SNX9: variants seen among roughly 807,000 people sequenced by gnomAD.
The protein encoded by SNX9 is sorting nexin 9.
SNX9 carries 44 observed loss-of-function variants against 89.4 expected under a neutral mutation model. The observed-to-expected ratio is 0.49, with a 90% CI of 0.39 to 0.63. SNX9 has a LOEUF of 0.63. Among genes scored for constraint, SNX9 ranks in the 30% least tolerant of loss-of-function variants. The pLI is 0.00. For missense variants in SNX9, 578 were observed against 736.1 expected (o/e 0.79, Z 2.49); for synonymous variants, 236 against 247.8 (o/e 0.95, Z 0.45).
chr6:157,869,438 C>CTACTTCTCTG (rs1782342807), intron 2 of SNX9, among the ~76,000 whole-genome samples: 1 of 152,200 alleles, frequency 6.6e-6, no homozygotes, highest in South Asian at 2.1e-4. Context: ...CAGCCTACTC[C>CTACTTCTCTG]TACTTCTCTG....
chr6:157,828,570 G>T (rs1416730760), intron 1 of SNX9, among the ~76,000 whole-genome samples: 6 of 151,848 alleles, frequency 4.0e-5, no homozygotes, highest in Non-Finnish European at 8.8e-5. Context: ...CACAGCTCAC[G>T]GCAGTCTCGA....
At chr6:157,932,975 A>G (rs1783845819) in intron 13 of SNX9, among the ~76,000 whole-genome samples, 1 of 151,644 alleles carries the variant, frequency 6.6e-6, no homozygotes, top group African/African-American at 2.4e-5. Context: ...TCCTTAACTC[A>G]TAACTGTTTC....
chr6:157,904,302 G>A (rs1368024541), intron 6 of SNX9, among the ~76,000 whole-genome samples: 1 of 152,102 alleles, frequency 6.6e-6, no homozygotes, highest in Non-Finnish European at 1.5e-5. Context: ...TGGGCGTGGT[G>A]GCACGCCTGT....
At chr6:157,903,975 T>G (rs1328881500) in intron 6 of SNX9, among the ~76,000 whole-genome samples, 1 of 152,250 alleles carries the variant, frequency 6.6e-6, no homozygotes, top group Non-Finnish European at 1.5e-5. Context: ...TTAACTAAAC[T>G]GTATAAATGA....
At chr6:157,856,865 A>G (rs1782023994) in intron 1 of SNX9, among the ~76,000 whole-genome samples, 1 of 152,126 alleles carries the variant, frequency 6.6e-6, no homozygotes, top group Non-Finnish European at 1.5e-5. Flanking sequence ...ATCAGAAGGC[A>G]AGTAATGTCT....
intron 1 of SNX9, among the ~76,000 whole-genome samples, chr6:157,857,146 A>C (rs139403857): frequency 7.4e-4 from 112 of 152,330 alleles, no homozygotes; most frequent in African/African-American, 2.5e-3. Context: ...GAGTTTAAGC[A>C]AATTTAATGT....
At chr6:157,909,637 ATTAC>A (rs1554296361) in intron 7 of SNX9, 24 bp from the exon 8 acceptor site, 1 of 1,605,206 alleles carries the variant, frequency 6.2e-7, no homozygotes, top group Non-Finnish European at 8.5e-7. Context: ...ATGTAACAAA[ATTAC>A]TTCTTTCTGG....
intron 2 of SNX9, among the ~76,000 whole-genome samples, chr6:157,871,381 A>T (rs184922615): frequency 1.0e-3 from 154 of 152,082 alleles, no homozygotes; most frequent in African/African-American, 3.3e-3. Flanking sequence ...ACAGTGTCTC[A>T]AAAAAAAGAA....
intron 7 of SNX9, 152 bp downstream of exon 7, chr6:157,906,364 G>T (rs1005782520): frequency 3.4e-6 from 2 of 590,136 alleles, no homozygotes; most frequent in Middle Eastern, 4.5e-4. Flanking sequence ...TGTTGTAGGA[G>T]TACTGAAGAT....
chr6:157,889,430 C>CAAAAAAAAAAAAAAAAAAA (rs56303673), intron 4 of SNX9, among the ~76,000 whole-genome samples: 1 of 58,504 alleles, frequency 1.7e-5, no homozygotes, highest in African/African-American at 5.1e-5. Context: ...GACCCTGTCT[C>CAAAAAAAAAAAAAAAAAAA]AAAAAAAAAA....
chr6:157,841,619 G>A (rs1462293243), intron 1 of SNX9, among the ~76,000 whole-genome samples: 1 of 152,156 alleles, frequency 6.6e-6, no homozygotes, highest in East Asian at 1.9e-4. Flanking sequence ...CCATGGGGAG[G>A]TGGTTGCCAG....
At chr6:157,825,795 G>A (rs568728693) in intron 1 of SNX9, among the ~76,000 whole-genome samples, 1 of 152,236 alleles carries the variant, frequency 6.6e-6, no homozygotes, top group South Asian at 2.1e-4. Context: ...AGAGAGTCAA[G>A]TTGGTGCTTT....
chr6:157,828,579 G>A (rs971729821), intron 1 of SNX9, among the ~76,000 whole-genome samples: 5 of 151,952 alleles, frequency 3.3e-5, no homozygotes, highest in Non-Finnish European at 7.4e-5. Flanking sequence ...CGGCAGTCTC[G>A]ACTTCCCTGG....
At chr6:157,880,887 T>A (rs1213482877) in intron 4 of SNX9, among the ~76,000 whole-genome samples, 5 of 152,222 alleles carry the variant, frequency 3.3e-5, no homozygotes. Flanking sequence ...CTGTAAAACC[T>A]CATGGGATTT....
chr6:157,915,115 G>T (rs893967935), intron 9 of SNX9, among the ~76,000 whole-genome samples: 3 of 151,928 alleles, frequency 2.0e-5, no homozygotes, highest in African/African-American at 7.3e-5. Context: ...TGTATTTGTT[G>T]GTTTATTTCT....
At chr6:157,859,353 A>C (rs573346630) in intron 1 of SNX9, among the ~76,000 whole-genome samples, 39 of 152,336 alleles carry the variant, frequency 2.6e-4, no homozygotes, top group Admixed American at 3.9e-4. Context: ...GTAGCATGCT[A>C]TATGCCCTGT....
intron 9 of SNX9, among the ~76,000 whole-genome samples, chr6:157,911,776 A>T (rs1475858830): frequency 6.6e-6 from 1 of 152,164 alleles, no homozygotes; most frequent in Non-Finnish European, 1.5e-5. Context: ...ACTTTGTTTT[A>T]TGTTTATTTT....
At chr6:157,898,985 C>T (rs187406695) in intron 5 of SNX9, among the ~76,000 whole-genome samples, 5 of 152,128 alleles carry the variant, frequency 3.3e-5, no homozygotes, top group Admixed American at 2.6e-4. Flanking sequence ...TGGCATTTGT[C>T]TCTCGGCTTC....
intron 4 of SNX9, 91 bp downstream of exon 4, chr6:157,875,267 A>G: frequency 6.9e-7 from 1 of 1,447,236 alleles, no homozygotes; most frequent in East Asian, 2.5e-5. Context: ...AGCTATTGCC[A>G]TTCCCCAAAA....
Sources: allele counts gnomAD v4.1 joint callset (sites outside exome capture counted in the v4.1 genomes callset), GRCh38; gene constraint gnomAD v4.1.1; transcripts MANE v1.5; gene names NCBI Gene and HGNC (gene_info 2026-07-23, HGNC 2026-07-21).